ARL5B: variants seen among roughly 807,000 people sequenced by gnomAD.
The protein encoded by ARL5B is ADP-ribosylation factor-like protein 5B.
A neutral mutation model predicts 26.9 loss-of-function variants in ARL5B; 10 were observed. The observed-to-expected ratio is 0.37, with a 90% CI of 0.23 to 0.63. ARL5B has a LOEUF of 0.63. ARL5B is among the 30% of genes least tolerant of loss of function. The pLI, the probability that ARL5B is intolerant of heterozygous loss-of-function variation, is 0.62. For missense variants in ARL5B, 167 were observed against 213.9 expected (o/e 0.78, Z 1.37); for synonymous variants, 87 against 70.4 (o/e 1.24, Z -1.18).
At position 18,666,592 on chromosome 10, in the gene ARL5B, G is replaced by C; in HGVS notation, c.64G>C (p.Val22Leu). 1 of 1,609,236 alleles carries C rather than the reference G, an allele frequency of 6.2e-7. No homozygotes were observed. Among genetic ancestry groups the C allele is most frequent in the South Asian group, 1.1e-5 (1 of 89,890 alleles). Residue 22 changes from valine (V) to leucine (L), a missense_variant, in exon 2 of 6, where the codon GTG becomes CTG. Val to Leu is a conservative substitution (Grantham distance 32). Transcript: ENST00000377275. Reference protein sequence around the residue: ...FCNQEHKVIIVGLDNAGKTTI... With the variant: ...FCNQEHKVIILGLDNAGKTTI... ...TTTTGTAGAACACAAAGTAATTATA[G>C]TGGGACTGGATAATGCAGGGAAAAC...
At position 18,668,516 on chromosome 10, in the gene ARL5B, C is replaced by A. The variant is rs1294246206; in HGVS notation, c.108-14C>A. 6.2e-7 allele frequency: 1 copy of A among 1,612,588 alleles called. No individual in the cohort carries two copies. On this transcript the variant is annotated splice_polypyrimidine_tract_variant and intron_variant, in intron 2 of 5. Coordinates refer to ENST00000377275, the MANE Select transcript of ARL5B (RefSeq NM_178815.5). ...AGATTTACAAGAGCTTTTACGGTGTCTGTTTTTCAACAGCTTAATGAATGA... is the reference window on the plus strand; with the variant it reads ...AGATTTACAAGAGCTTTTACGGTGTATGTTTTTCAACAGCTTAATGAATGA...
Position 18,679,408 on chromosome 10 carries a change from G to A in ARL5B, c.*4192G>A, listed in dbSNP as rs2059923497. On this transcript the variant is annotated 3_prime_UTR_variant, in exon 6 of 6. Transcript: ENST00000377275. ...AAAGAGTAGGGTTAGTAGCCAGGTT[G>A]TCAGTCTTTTACAAATGTCTACATA... 6.6e-6 allele frequency: 1 copy of A among 151,890 alleles called. No individual in the cohort carries two copies. The highest frequency in any genetic ancestry group is 2.4e-5 in the African/African-American group (1 of 41,414). 9.4% of individuals were successfully genotyped at this position (151,890 alleles called of 1,614,324 possible).
Position 18,671,695 on chromosome 10 carries a change from G to C in ARL5B, c.256-927G>C, listed in dbSNP as rs185731002. ...CCCACATTTTTTAAAAAATGAGTTA[G>C]GGCCTCTCTCTCACCCAGGCTGGAG... On this transcript the variant is annotated intron_variant, in intron 3 of 5. Transcript: ENST00000377275. Among the ~76,000 whole-genome samples, 39 of 141,542 alleles carry C rather than the reference G, an allele frequency of 2.8e-4. No homozygotes were observed. In the East Asian group the frequency reaches 8.7e-3, roughly 32 times the overall value. 92.9% of individuals were successfully genotyped at this position (141,542 alleles called of 152,430 possible).
In ARL5B at chr10:18,674,148, G is replaced by C. The variant is rs763416677; in HGVS notation, c.491+13G>C. The C allele has an allele frequency of 1.1e-5, 18 of 1,593,030 alleles. No individual in the cohort carries two copies. The highest frequency in any genetic ancestry group is 1.5e-5 in the Non-Finnish European group (17 of 1,171,850). On this transcript the variant is annotated intron_variant, in intron 5 of 5. Coordinates refer to ENST00000377275, the MANE Select transcript of ARL5B (RefSeq NM_178815.5). ...TCACAGGAGAAGGGTAAGTTCATCC[G>C]TCTGAGGGGAGGTATGACTTCTTTC... is the stretch of plus-strand genomic sequence containing the variant.
chr10:18,662,176 A>AC (rs1271566916), intron 1 of ARL5B, among the ~76,000 whole-genome samples: 3 of 152,244 alleles, frequency 2.0e-5, no homozygotes, highest in Non-Finnish European at 2.9e-5. Flanking sequence ...GCCACCTCAC[A>AC]CCAACTAAAT....
chr10:18,661,284 C>G (rs922475354), intron 1 of ARL5B, among the ~76,000 whole-genome samples: 2 of 152,184 alleles, frequency 1.3e-5, no homozygotes, highest in African/African-American at 4.8e-5. Context: ...TTCCCGTTTT[C>G]CTTTCTCCCT....
intron 1 of ARL5B, among the ~76,000 whole-genome samples, chr10:18,660,762 C>T (rs2059830242): frequency 1.3e-5 from 2 of 152,114 alleles, no homozygotes; most frequent in Admixed American, 6.5e-5. Context: ...ATCCAGTAAC[C>T]ACAGATAATA....
intron 4 of ARL5B, 30 bp from the exon 5 acceptor site, chr10:18,673,954 C>G (rs1487668338): frequency 1.3e-6 from 2 of 1,569,542 alleles, no homozygotes; most frequent in Non-Finnish European, 1.7e-6. Flanking sequence ...TGGTATTTCA[C>G]ATATTAGAAA....
intron 2 of ARL5B, among the ~76,000 whole-genome samples, 161 bp from the exon 3 acceptor site, chr10:18,668,369 T>C (rs1043127452): frequency 6.6e-6 from 1 of 152,122 alleles, no homozygotes; most frequent in African/African-American, 2.4e-5. Flanking sequence ...AGTTGTTATC[T>C]AGATATTGAT....
At chr10:18,664,470 C>G (rs11015454) in intron 1 of ARL5B, among the ~76,000 whole-genome samples, 28,697 of 129,310 alleles carry the variant, frequency 0.22, 3,354 homozygotes, top group Middle Eastern at 0.3. Context: ...TGGAGTCTCG[C>G]TCTGTTGCCC....
intron 1 of ARL5B, among the ~76,000 whole-genome samples, chr10:18,661,418 A>G (rs935134074): frequency 1.4e-4 from 22 of 152,160 alleles, no homozygotes; most frequent in African/African-American, 5.3e-4. Flanking sequence ...GGCTACTTTT[A>G]TACTCGCATA....
chr10:18,663,038 A>T (rs7917323), intron 1 of ARL5B, among the ~76,000 whole-genome samples: 31,723 of 137,608 alleles, frequency 0.23, 3,630 homozygotes, highest in Middle Eastern at 0.32. Flanking sequence ...TTATTGTTAT[A>T]TTTTCTGTCA....
At chr10:18,665,628 A>G (rs1316736358) in intron 1 of ARL5B, among the ~76,000 whole-genome samples, 1 of 152,212 alleles carries the variant, frequency 6.6e-6, no homozygotes, top group Non-Finnish European at 1.5e-5. Context: ...GAGGTCATCA[A>G]GAAGAGCGGG....
chr10:18,668,425 C>G (rs1175756201), intron 2 of ARL5B, 105 bp from the exon 3 acceptor site: 1 of 1,192,646 alleles, frequency 8.4e-7, no homozygotes, highest in East Asian at 2.5e-5. Flanking sequence ...CTAATGATCA[C>G]CATCATTGGT....
Position 18,679,930 on chromosome 10 carries a change from T to G in ARL5B, c.*4714T>G, listed in dbSNP as rs2131656179. The G allele has an allele frequency of 6.6e-6, 1 of 152,084 alleles. No individual in the cohort carries two copies. The highest frequency in any genetic ancestry group is 3.4e-3 in the Middle Eastern group (1 of 292). The allele number at this position is 152,084 out of a possible 1,614,324, so 9.4% of individuals were successfully genotyped here. A position where few individuals can be genotyped will look rare whatever the true frequency, so the allele number is the denominator to read the frequency against. Reference sequence around the variant, plus strand: ...CATACAGCTAGATGGCCTGTATTATTCTTAATGTGGCCAAAGGAGTGAAGA... The same window carrying G: ...CATACAGCTAGATGGCCTGTATTATGCTTAATGTGGCCAAAGGAGTGAAGA... On this transcript the variant is annotated 3_prime_UTR_variant, in exon 6 of 6. Coordinates refer to ENST00000377275, the MANE Select transcript of ARL5B (RefSeq NM_178815.5).
chr10:18,659,893 G>A (rs2059820536), intron 1 of ARL5B: 2 of 985,334 alleles, frequency 2.0e-6, no homozygotes, highest in Non-Finnish European at 2.4e-6. Context: ...AGAAGAGAAG[G>A]TATTTGGCGT....
At chr10:18,669,268 A>T (rs1377687095) in intron 3 of ARL5B, among the ~76,000 whole-genome samples, 1 of 152,154 alleles carries the variant, frequency 6.6e-6, no homozygotes, top group Non-Finnish European at 1.5e-5. Flanking sequence ...CAAGATTTTC[A>T]TGTCTCCAGG....
At position 18,679,441 on chromosome 10, in the gene ARL5B, A is replaced by G. The variant is rs2059923661; in HGVS notation, c.*4225A>G. The stretch of plus-strand genomic sequence containing the variant: ...TTTACAAATGTCTACATAAATGTCT[A>G]CATAAATCTGAAAGTGGTTTATATT... On this transcript the variant is annotated 3_prime_UTR_variant, in exon 6 of 6. Coordinates refer to ENST00000377275, the MANE Select transcript of ARL5B (RefSeq NM_178815.5). The G allele has an allele frequency of 6.6e-6, 1 of 151,940 alleles. No homozygotes were observed. The highest frequency in any genetic ancestry group is 2.4e-5 in the African/African-American group (1 of 41,438). The allele number at this position is 151,940 out of a possible 1,614,324, so 9.4% of individuals were successfully genotyped here. A position where few individuals can be genotyped will look rare whatever the true frequency, so the allele number is the denominator to read the frequency against.
Position 18,659,509 on chromosome 10 carries a change from C to A in ARL5B, c.-129C>A. 2 of 1,228,100 alleles carry A rather than the reference C, an allele frequency of 1.6e-6. No individual in the cohort carries two copies. Among genetic ancestry groups the A allele is most frequent in the Non-Finnish European group, 2.2e-6 (2 of 914,168 alleles). 76.1% of individuals were successfully genotyped at this position (1,228,100 alleles called of 1,614,324 possible). On this transcript the variant is annotated 5_prime_UTR_variant, in exon 1 of 6. Transcript: ENST00000377275. ...AGTGGTCGGGTCGAGGCTTCTCGGC[C>A]TAGCAGTGCCCTCGCTGCGCGATCT...
Sources: allele counts gnomAD v4.1 joint callset (sites outside exome capture counted in the v4.1 genomes callset), GRCh38; gene constraint gnomAD v4.1.1; transcripts MANE v1.5; gene names NCBI Gene and HGNC (gene_info 2026-07-23, HGNC 2026-07-21).